Variants in AIG1 observed in about 807,000 individuals in gnomAD.
AIG1 encodes the protein androgen-induced gene 1 protein.
AIG1 carries 23 observed loss-of-function variants against 31.4 expected under a neutral mutation model. The observed-to-expected ratio is 0.73, with a 90% CI of 0.53 to 1.04. The LOEUF (loss-of-function observed/expected upper bound fraction) is 1.04. Among genes scored for constraint, AIG1 ranks in the 50% least tolerant of loss-of-function variants. AIG1 has a pLI of 0.00. For missense variants in AIG1, 274 were observed against 295.0 expected (o/e 0.93, Z 0.52); for synonymous variants, 100 against 110.5 (o/e 0.90, Z 0.60).
chr6:143,163,115 C>T (rs1427673349), intron 2 of AIG1, among the ~76,000 whole-genome samples: 1 of 152,160 alleles, frequency 6.6e-6, no homozygotes, highest in Non-Finnish European at 1.5e-5. Context: ...GTGCTGCCGA[C>T]CCACTTTGAA....
rs575423700 is a variant in AIG1 at position 143,338,306 on chromosome 6, G to T, written c.680-1333G>T. ...TGCCTTCAAACCTGTTCCTCCTCCCGTCAGATGTCCTTACTCCTCAATTTG... is the reference window on the plus strand; with the variant it reads ...TGCCTTCAAACCTGTTCCTCCTCCCTTCAGATGTCCTTACTCCTCAATTTG... On this transcript the variant is annotated intron_variant, in intron 5 of 5. Transcript: ENST00000357847. The surrounding 1 kb of genome is among the most constrained non-coding windows in gnomAD (Gnocchi z 4.3). 1.9e-5 allele frequency: 6 copies of T among 309,498 alleles called. No homozygotes were observed. The highest frequency in any genetic ancestry group is 2.3e-5 in the Non-Finnish European group (4 of 170,328). 19.2% of individuals were successfully genotyped at this position (309,498 alleles called of 1,614,324 possible).
chr6:143,331,783 G>A lies in AIG1; in HGVS notation c.516-1499G>A, dbSNP rs9399439. 0.14 allele frequency among the ~76,000 whole-genome samples: 21,389 copies of A among 151,226 alleles called. 1,787 individuals are homozygous for A. Among genetic ancestry groups the A allele is most frequent in the East Asian group, 0.4 (2,054 of 5,140 alleles). On this transcript the variant is annotated intron_variant, in intron 4 of 5. Coordinates refer to ENST00000357847, the MANE Select transcript of AIG1 (RefSeq NM_016108.4). The surrounding 1 kb of genome is among the most constrained non-coding windows in gnomAD (Gnocchi z 4.1). ...GGGGGATCTCACCCTCATTGATAAC[G>A]CAGGTTCTCAGGTATAGATCCCCAG... is the stretch of plus-strand genomic sequence containing the variant.
chr6:143,180,636 A>G (rs913482349), intron 3 of AIG1, among the ~76,000 whole-genome samples: 3 of 152,190 alleles, frequency 2.0e-5, no homozygotes, highest in African/African-American at 7.2e-5. Context: ...GAACTAATTC[A>G]TGTTTATAAA....
At chr6:143,253,151 C>A (rs902797240) in intron 3 of AIG1, among the ~76,000 whole-genome samples, 6 of 152,320 alleles carry the variant, frequency 3.9e-5, no homozygotes, top group African/African-American at 1.4e-4. Flanking sequence ...CACTCGAGGG[C>A]ATGAATACCG....
At chr6:143,133,635 T>C (rs1174104525) in intron 1 of AIG1, among the ~76,000 whole-genome samples, 2 of 152,100 alleles carry the variant, frequency 1.3e-5, no homozygotes, top group Admixed American at 1.3e-4. Context: ...GATTGCTGAG[T>C]AAAAAGTCCA....
chr6:143,083,033 A>T (rs1340429761), intron 1 of AIG1, among the ~76,000 whole-genome samples: 2 of 152,250 alleles, frequency 1.3e-5, no homozygotes, highest in Admixed American at 1.3e-4. Context: ...GCCAAGGAAC[A>T]TTCTTAATTG....
chr6:143,087,000 C>G (rs926682483), intron 1 of AIG1, among the ~76,000 whole-genome samples: 1 of 152,150 alleles, frequency 6.6e-6, no homozygotes. Context: ...CGCTCCCAAC[C>G]CAGAGGGTTG....
At chr6:143,184,324 A>G (rs1789021598) in intron 3 of AIG1, among the ~76,000 whole-genome samples, 1 of 152,014 alleles carries the variant, frequency 6.6e-6, no homozygotes, top group Non-Finnish European at 1.5e-5. Context: ...TTCCACGAAG[A>G]TTTCACTCTC....
intron 1 of AIG1, among the ~76,000 whole-genome samples, chr6:143,117,616 G>A (rs1467177493): frequency 6.6e-6 from 1 of 152,116 alleles, no homozygotes; most frequent in Non-Finnish European, 1.5e-5. Flanking sequence ...TTCAAATGCA[G>A]AAGTCTGGCT....
chr6:143,198,425 T>C (rs909767668), intron 3 of AIG1, among the ~76,000 whole-genome samples: 2 of 152,208 alleles, frequency 1.3e-5, no homozygotes, highest in Non-Finnish European at 2.9e-5. Context: ...GCAGACAACG[T>C]TTGATTATCT....
At chr6:143,188,125 C>T (rs1375314724) in intron 3 of AIG1, 6 of 1,005,154 alleles carry the variant, frequency 6.0e-6, no homozygotes, top group Admixed American at 5.3e-5. Flanking sequence ...AAGGATAAGC[C>T]GCAAATGAGG....
At chr6:143,105,200 A>G (rs1256175239) in intron 1 of AIG1, among the ~76,000 whole-genome samples, 1 of 152,222 alleles carries the variant, frequency 6.6e-6, no homozygotes, top group African/African-American at 2.4e-5. Flanking sequence ...ATCCCATGCC[A>G]CAAGAGCCAG....
chr6:143,303,089 C>A (rs199539471), intron 4 of AIG1, among the ~76,000 whole-genome samples: 1 of 151,710 alleles, frequency 6.6e-6, no homozygotes. Context: ...TTTTTCTTGT[C>A]AATTTGTTTG....
intron 3 of AIG1, among the ~76,000 whole-genome samples, chr6:143,234,500 G>A (rs1793671577): frequency 6.6e-6 from 1 of 152,180 alleles, no homozygotes. Context: ...TCTTTCAGGA[G>A]CTTTGCTTCA....
rs367965136 is a variant in AIG1, at chr6:143,188,818, C to T, written c.399+23635C>T. The stretch of plus-strand genomic sequence containing the variant: ...CAGGGAAACATACTGGCAATAGCAA[C>T]TTCCCAGAACATTCCTTTTTACACT... On this transcript the variant is annotated intron_variant, in intron 3 of 5. Coordinates refer to ENST00000357847, the MANE Select transcript of AIG1 (RefSeq NM_016108.4). 6 of 985,192 alleles carry T rather than the reference C, an allele frequency of 6.1e-6. No homozygotes were observed. The African/African-American group carries it at 7.0e-5, about 11-fold the overall frequency. 61.0% of individuals were successfully genotyped at this position (985,192 alleles called of 1,614,324 possible).
intron 1 of AIG1, among the ~76,000 whole-genome samples, chr6:143,077,921 A>C (rs996826287): frequency 6.6e-6 from 1 of 152,212 alleles, no homozygotes; most frequent in South Asian, 2.1e-4. Context: ...CTATCTACTG[A>C]TGAGGATCCT....
chr6:143,284,310 C>A lies in AIG1; in HGVS notation c.515+85C>A. ...GCACATATTTCATTATGGATATAAT[C>A]ACTAACAGATTCACGCTGTGTGCCG... On this transcript the variant is annotated intron_variant, in intron 4 of 5. Transcript: ENST00000357847. This position sits in a 1 kb window ranked among gnomAD's most constrained non-coding sequence, Gnocchi z 4.4. The A allele has an allele frequency of 1.0e-6, 1 of 962,454 alleles. No homozygotes were observed. Among genetic ancestry groups the A allele is most frequent in the Non-Finnish European group, 1.6e-6 (1 of 619,450 alleles). 59.6% of individuals were successfully genotyped at this position (962,454 alleles called of 1,614,324 possible). A position where few individuals can be genotyped will look rare whatever the true frequency, so the allele number is the denominator to read the frequency against.
chr6:143,303,707 G>A (rs1303311750), intron 4 of AIG1, among the ~76,000 whole-genome samples: 4 of 147,652 alleles, frequency 2.7e-5, no homozygotes, highest in Admixed American at 1.3e-4. Flanking sequence ...TTGGCGATGC[G>A]GGCTCTTTTT....
intron 3 of AIG1, among the ~76,000 whole-genome samples, chr6:143,243,095 T>C (rs1042112819): frequency 1.3e-5 from 2 of 152,162 alleles, no homozygotes; most frequent in Non-Finnish European, 2.9e-5. Flanking sequence ...CTAGACGGTG[T>C]TTTTCATACT....
Sources: allele counts gnomAD v4.1 joint callset (sites outside exome capture counted in the v4.1 genomes callset), GRCh38; gene constraint gnomAD v4.1.1; non-coding constraint Gnocchi (gnomAD v3.1); transcripts MANE v1.5; gene names NCBI Gene and HGNC (gene_info 2026-07-23, HGNC 2026-07-21).